AHCY: variants seen among roughly 807,000 people sequenced by gnomAD.
AHCY encodes S-adenosyl-L-homocysteine hydrolase.
In AHCY, 24 loss-of-function variants were observed where a neutral mutation model predicts 45.4. The ratio of observed to expected loss-of-function variants is 0.53; its 90% CI spans 0.38 to 0.74. The LOEUF (loss-of-function observed/expected upper bound fraction) is 0.74. Among genes scored for constraint, AHCY ranks in the 30% least tolerant of loss-of-function variants. The pLI, the probability that AHCY is intolerant of heterozygous loss-of-function variation, is 0.00. For missense variants in AHCY, 449 were observed against 594.1 expected (o/e 0.76, Z 2.54); for synonymous variants, 245 against 235.1 (o/e 1.04, Z -0.39).
chr20:34,260,510 G>T, the AHCY span: 1 of 1,613,494 alleles, frequency 6.2e-7, no homozygotes, highest in East Asian at 2.2e-5. Flanking sequence ...GAACCTACTG[G>T]ATGTCCCTTC....
the AHCY span, among the ~76,000 whole-genome samples, chr20:34,249,140 AT>A: frequency 1.3e-5 from 2 of 152,120 alleles, no homozygotes; most frequent in African/African-American, 4.8e-5. Flanking sequence ...AAAAAAAAAA[AT>A]CTAATAATGC....
At chr20:34,278,895 G>A (rs1257347384), downstream of AHCY, among the ~76,000 whole-genome samples, 1 of 151,068 alleles carries the variant, frequency 6.6e-6, no homozygotes, top group Non-Finnish European at 1.5e-5. Flanking sequence ...GATCACCTGA[G>A]GTTAGGAGTT....
chr20:34,304,227 G>A (rs1441019998), upstream of AHCY, among the ~76,000 whole-genome samples: 3 of 152,134 alleles, frequency 2.0e-5, no homozygotes, highest in Non-Finnish European at 4.4e-5. Context: ...TTATATTTAT[G>A]AGACTCATGC....
the AHCY span, among the ~76,000 whole-genome samples, chr20:34,272,606 G>A: frequency 6.6e-6 from 1 of 152,184 alleles, no homozygotes; most frequent in African/African-American, 2.4e-5. Flanking sequence ...GGGAAGCAAG[G>A]CCAGGTGCAG....
the AHCY span, among the ~76,000 whole-genome samples, chr20:34,248,781 C>T: frequency 6.6e-6 from 1 of 151,942 alleles, no homozygotes; most frequent in Admixed American, 6.6e-5. Flanking sequence ...GCCTGGGTGA[C>T]AGAGCAAGGC....
In AHCY at chr20:34,285,572, G is replaced by A. The variant is rs754037648; in HGVS notation, c.1035C>T (p.Val345=). The change falls in exon 9 of 10, where the codon GTC becomes GTT. Residue 345 remains valine, a synonymous_variant. Transcript: ENST00000217426. The part of the protein sequence containing the change: ...RIILLAEGRL[V]NLGCAMGHPS... ...GGTGGCCCATGGCACAACCCAGGTT[G>A]ACCAGCCGACCCTCGGCCAGCAGGA... 6.2e-7 allele frequency: 1 copy of A among 1,613,930 alleles called. No homozygotes were observed. The highest frequency in any genetic ancestry group is 8.5e-7 in the Non-Finnish European group (1 of 1,179,992).
the AHCY span, chr20:34,269,204 G>A: frequency 2.1e-6 from 3 of 1,448,754 alleles, no homozygotes; most frequent in East Asian, 7.9e-5. Context: ...GCAGGGCTTC[G>A]GGGACGCGGG....
chr20:34,263,130 T>G, the AHCY span, among the ~76,000 whole-genome samples: 2 of 152,204 alleles, frequency 1.3e-5, no homozygotes, highest in African/African-American at 4.8e-5. Flanking sequence ...CTTCCTCTAC[T>G]AGTTAGCCCC....
chr20:34,253,099 CTCTT>C, the AHCY span, among the ~76,000 whole-genome samples: 4 of 152,018 alleles, frequency 2.6e-5, no homozygotes, highest in East Asian at 1.9e-4. Flanking sequence ...AACCTGATCT[CTCTT>C]TCTTTTTTTT....
chr20:34,308,637 A>C (rs1205969367), intron 1 of AHCY, among the ~76,000 whole-genome samples: 3 of 152,134 alleles, frequency 2.0e-5, no homozygotes, highest in Middle Eastern at 6.8e-3. Context: ...AAATTTCTGA[A>C]GGGTAATTAA....
chr20:34,287,085 C>T (rs765075406), intron 8 of AHCY, among the ~76,000 whole-genome samples: 2 of 152,138 alleles, frequency 1.3e-5, no homozygotes, highest in Non-Finnish European at 2.9e-5. Context: ...CAGGCAGCCT[C>T]CCAAACATTT....
chr20:34,276,483 T>C (rs2035911315), downstream of AHCY, among the ~76,000 whole-genome samples: 1 of 152,094 alleles, frequency 6.6e-6, no homozygotes, highest in South Asian at 2.1e-4. Context: ...TCCCTGGTAA[T>C]AGGGCAAGTA....
intron 5 of AHCY, 135 bp from the exon 6 acceptor site, chr20:34,291,073 A>G: frequency 1.3e-6 from 1 of 793,066 alleles, no homozygotes; most frequent in Non-Finnish European, 2.1e-6. Flanking sequence ...GAACCCCTCC[A>G]GCACCCAATG....
At chr20:34,258,828 AG>A in the AHCY span, among the ~76,000 whole-genome samples, 2 of 122,126 alleles carry the variant, frequency 1.6e-5, no homozygotes, top group Admixed American at 1.1e-4. Flanking sequence ...TACTATATAT[AG>A]TATTATATAT....
the AHCY span, among the ~76,000 whole-genome samples, chr20:34,253,537 A>G: frequency 6.6e-5 from 10 of 151,414 alleles, no homozygotes; most frequent in Admixed American, 1.3e-4. Context: ...CAATGGCACA[A>G]TCTCAGCTCA....
At chr20:34,270,457 G>A in the AHCY span, among the ~76,000 whole-genome samples, 1 of 152,170 alleles carries the variant, frequency 6.6e-6, no homozygotes, top group African/African-American at 2.4e-5. Context: ...TTGCTGCTGA[G>A]TAAATGTCAT....
chr20:34,302,130 A>C (rs1033793201), intron 1 of AHCY: 12 of 366,440 alleles, frequency 3.3e-5, no homozygotes, highest in Non-Finnish European at 4.5e-5. Context: ...CCTCCCGAGT[A>C]GCTGGGAATG....
chr20:34,249,585 G>C, the AHCY span, among the ~76,000 whole-genome samples: 1 of 152,254 alleles, frequency 6.6e-6, no homozygotes, highest in East Asian at 1.9e-4. Flanking sequence ...AGGGCCAATG[G>C]CTTGGTTTAA....
At chr20:34,268,441 GGC>G in the AHCY span, among the ~76,000 whole-genome samples, 2 of 152,192 alleles carry the variant, frequency 1.3e-5, no homozygotes, top group Admixed American at 1.3e-4. Flanking sequence ...ACTTAGGCCG[GGC>G]GCGGTGGCTC....
Sources: gnomAD v4.1 joint callset for allele counts (sites outside exome capture counted in the v4.1 genomes callset) on GRCh38, gnomAD v4.1.1 for gene constraint, MANE v1.5 for transcripts, NCBI Gene and HGNC (gene_info 2026-07-23, HGNC 2026-07-21) for gene names.